CHMP3: variants seen among roughly 807,000 people sequenced by gnomAD.
CHMP3 encodes charged multivesicular body protein 3, also known as 25.1 protein.
Under a neutral mutation model 27.4 loss-of-function variants are expected in CHMP3, and 8 were observed. That is an observed-to-expected ratio of 0.29 (90% CI 0.17 to 0.53). The LOEUF (loss-of-function observed/expected upper bound fraction) is 0.53, where lower values mean the gene tolerates loss of function less well. Ranked by LOEUF, CHMP3 falls within the 20% of genes least tolerant of loss-of-function variation. CHMP3 has a pLI of 0.96. For synonymous variants in CHMP3, 86 were observed against 85.5 expected (o/e 1.01, Z -0.03); for missense variants, 208 against 271.5 (o/e 0.77, Z 1.64).
At chr2:86,539,242 G>C (rs192928258) in intron 2 of CHMP3, among the ~76,000 whole-genome samples, 368 of 152,208 alleles carry the variant, frequency 2.4e-3, no homozygotes, top group African/African-American at 8.4e-3. Context: ...CTTTATCAAA[G>C]TGCCCCATCC....
chr2:86,527,061 C>CT (rs1385107716), intron 3 of CHMP3: 2 of 151,782 alleles, frequency 1.3e-5, no homozygotes, highest in African/African-American at 2.4e-5. Flanking sequence ...TGTAATAATG[C>CT]TTTTTTTATA....
chr2:86,563,391 C>A lies in CHMP3; in HGVS notation c.-43G>T. ...TTGCCCCTTCCGGCTTTCAGTTCCCCGCGCCCAGGCAGGTCACGGGCAGCC... is the reference window on the plus strand; with the variant it reads ...TTGCCCCTTCCGGCTTTCAGTTCCCAGCGCCCAGGCAGGTCACGGGCAGCC... On this transcript the variant is annotated 5_prime_UTR_variant, in exon 1 of 6. Coordinates refer to ENST00000263856, the MANE Select transcript of CHMP3 (RefSeq NM_016079.4). 6.2e-7 allele frequency: 1 copy of A among 1,603,170 alleles called. No homozygotes were observed. Among genetic ancestry groups the A allele is most frequent in the Non-Finnish European group, 8.5e-7 (1 of 1,175,480 alleles).
intron 2 of CHMP3, among the ~76,000 whole-genome samples, chr2:86,535,443 T>C (rs1676089195): frequency 6.6e-6 from 1 of 152,170 alleles, no homozygotes; most frequent in Non-Finnish European, 1.5e-5. Context: ...TGTACAGCCA[T>C]TTTCTTTGTG....
chr2:86,560,088 ACT>A (rs1405944529), intron 1 of CHMP3, among the ~76,000 whole-genome samples: 2 of 152,030 alleles, frequency 1.3e-5, no homozygotes, highest in Non-Finnish European at 2.9e-5. Flanking sequence ...ACACGGTGAA[ACT>A]CTGTCTCTAC....
At chr2:86,560,975 A>G (rs1677335153) in intron 1 of CHMP3, among the ~76,000 whole-genome samples, 1 of 152,232 alleles carries the variant, frequency 6.6e-6, no homozygotes, top group South Asian at 2.1e-4. Flanking sequence ...ATCTGCTCCC[A>G]TGATCCAATC....
intron 1 of CHMP3, among the ~76,000 whole-genome samples, chr2:86,542,568 G>A (rs752123792): frequency 3.9e-5 from 6 of 152,008 alleles, no homozygotes; most frequent in African/African-American, 7.3e-5. Context: ...ATAAAACCTC[G>A]GAAAGAGTAC....
chr2:86,540,841 T>G (rs1256376835), intron 2 of CHMP3: 1 of 149,132 alleles, frequency 6.7e-6, no homozygotes, highest in African/African-American at 2.5e-5. Context: ...GTGGGGGTTT[T>G]GGGTGTTTTT....
At chr2:86,510,281 C>CA in intron 4 of CHMP3, 77 bp downstream of exon 4, 3 of 1,323,630 alleles carry the variant, frequency 2.3e-6, no homozygotes, top group Non-Finnish European at 2.1e-6. Flanking sequence ...CCCACCCACC[C>CA]TCATCCCTAG....
At chr2:86,524,619 A>T (rs1675631999) in intron 3 of CHMP3, among the ~76,000 whole-genome samples, 2 of 152,216 alleles carry the variant, frequency 1.3e-5, no homozygotes, top group Non-Finnish European at 2.9e-5. Context: ...CTCATTTTAT[A>T]TAAGGGACTT....
Position 86,529,311 on chromosome 2 carries a change from T to C in CHMP3, c.193A>G (p.Lys65Glu), listed in dbSNP as rs1675826873. Reference sequence around the variant, plus strand: ...GCCTTCCTTGACCTGATCATCTCCTTGGCCAGAACTATGCAGACATCCTTC... The same window carrying C: ...GCCTTCCTTGACCTGATCATCTCCTCGGCCAGAACTATGCAGACATCCTTC... ...GQKDVCIVLAKEMIRSRKAVS... is the reference protein window; with the variant it reads ...GQKDVCIVLAEEMIRSRKAVS... Residue 65 changes from lysine to glutamate, a missense_variant, in exon 3 of 6, where the codon AAG (lysine) becomes GAG (glutamate). Lys to Glu is a moderately conservative substitution (Grantham distance 56). Around this residue, in one of 3 missense-constraint regions of CHMP3, gnomAD observed 94 missense variants for 159.6 expected, o/e 0.59. Transcript: ENST00000263856. 6 of 1,613,816 alleles carry C rather than the reference T, an allele frequency of 3.7e-6. No homozygotes were observed. Among genetic ancestry groups the C allele is most frequent in the Non-Finnish European group, 5.1e-6 (6 of 1,179,902 alleles).
rs78974826 is a variant in CHMP3 at position 86,557,053 on chromosome 2, A to G, written c.45+6251T>C. On this transcript the variant is annotated intron_variant, in intron 1 of 5. Transcript: ENST00000263856. ...GTTTACAATTTTGCTGAGGACACAA[A>G]GCAGAAGAGAAAAATATTCTTCCAG... 2.1e-3 allele frequency among the ~76,000 whole-genome samples: 314 copies of G among 152,346 alleles called. 2 individuals carry two copies. The highest frequency in any genetic ancestry group is 7.1e-3 in the African/African-American group (296 of 41,584).
intron 2 of CHMP3, among the ~76,000 whole-genome samples, chr2:86,540,315 A>G (rs561979297): frequency 5.7e-4 from 87 of 152,244 alleles, no homozygotes; most frequent in African/African-American, 2.1e-3. Flanking sequence ...AATTATACAC[A>G]TTAGCTCACT....
intron 1 of CHMP3, 91 bp downstream of exon 1, chr2:86,563,212 AG>A: frequency 6.8e-7 from 1 of 1,469,156 alleles, no homozygotes; most frequent in Non-Finnish European, 9.4e-7. Flanking sequence ...GGTATCGGGC[AG>A]GCGGTGGGGA....
chr2:86,508,785 A>C (rs956926966), intron 4 of CHMP3, among the ~76,000 whole-genome samples: 4 of 152,208 alleles, frequency 2.6e-5, no homozygotes, highest in Admixed American at 2.6e-4. Context: ...CGTTCTTCCC[A>C]ACCAAAATGA....
At chr2:86,553,418 G>A (rs1211620425) in intron 1 of CHMP3, among the ~76,000 whole-genome samples, 1 of 152,090 alleles carries the variant, frequency 6.6e-6, no homozygotes, top group Non-Finnish European at 1.5e-5. Context: ...TGCAACCTCC[G>A]ACTCCCTGGT....
intron 1 of CHMP3, 46 bp downstream of exon 1, chr2:86,563,258 C>T (rs1337592622): frequency 1.9e-6 from 3 of 1,609,866 alleles, no homozygotes; most frequent in African/African-American, 2.7e-5. Flanking sequence ...CTTCACTACG[C>T]CCCACACAGA....
chr2:86,509,219 T>C (rs915613131), intron 4 of CHMP3, among the ~76,000 whole-genome samples: 1 of 152,208 alleles, frequency 6.6e-6, no homozygotes, highest in Non-Finnish European at 1.5e-5. Flanking sequence ...TCCTGGTGGC[T>C]GAGTTAAAAT....
rs577211978 is a variant in CHMP3, at chr2:86,529,457, A to C, written c.107-60T>G. 10 of 1,475,124 alleles carry C rather than the reference A, an allele frequency of 6.8e-6. No individual in the cohort carries two copies. In the African/African-American group the frequency reaches 1.3e-4, roughly 19 times the overall value. The allele number at this position is 1,475,124 out of a possible 1,614,324, so 91.4% of individuals were successfully genotyped here. A position where few individuals can be genotyped will look rare whatever the true frequency, so the allele number is the denominator to read the frequency against. ...AAGTCAGGTTTATTGGCACTCAAAT[A>C]CATTCTTATTGTGATCTAAATGTAT... On this transcript the variant is annotated intron_variant, in intron 2 of 5. Transcript: ENST00000263856.
At chr2:86,516,262 C>A (rs1675304040) in intron 3 of CHMP3, among the ~76,000 whole-genome samples, 1 of 151,140 alleles carries the variant, frequency 6.6e-6, no homozygotes, top group South Asian at 2.1e-4. Flanking sequence ...ATACTGGTGA[C>A]AAAAAGCAAC....
Sources: allele counts gnomAD v4.1 joint callset (sites outside exome capture counted in the v4.1 genomes callset), GRCh38; gene constraint gnomAD v4.1.1; regional missense constraint gnomAD v4.1.1; transcripts MANE v1.5; gene names NCBI Gene and HGNC (gene_info 2026-07-23, HGNC 2026-07-21).